The following ZBTB20 variants were observed in gnomAD, a reference collection of about 807,000 sequenced individuals.
ZBTB20 encodes the protein zinc finger and BTB domain containing 20, also known as zinc finger and BTB domain-containing protein 20.
In ZBTB20, 9 loss-of-function variants were observed where a neutral mutation model predicts 56.9. That is an observed-to-expected ratio of 0.16 (90% CI 0.10 to 0.28). ZBTB20 has a LOEUF of 0.28. ZBTB20 is among the 10% of genes least tolerant of loss of function. The pLI is 1.00. For synonymous variants in ZBTB20, 417 were observed against 420.7 expected, an observed-to-expected ratio of 0.99 and a Z score of 0.11; for missense variants, 655 against 1,003.0, an observed-to-expected ratio of 0.65 and a Z score of 4.69.
intron 7 of ZBTB20, among the ~76,000 whole-genome samples, chr3:114,497,027 A>T (rs765937236): frequency 4.6e-5 from 7 of 152,266 alleles, no homozygotes; most frequent in Non-Finnish European, 1.0e-4. Context: ...TCCCATAAGG[A>T]TGTATTTTGG....
At chr3:115,044,586 T>C (rs919494059) in intron 2 of ZBTB20, among the ~76,000 whole-genome samples, 3 of 152,218 alleles carry the variant, frequency 2.0e-5, no homozygotes, top group Non-Finnish European at 4.4e-5. Context: ...ATTATCTATA[T>C]CAGTGATTTC....
chr3:114,561,547 G>A (rs996938299), intron 6 of ZBTB20, among the ~76,000 whole-genome samples: 3 of 152,076 alleles, frequency 2.0e-5, no homozygotes, highest in Admixed American at 6.6e-5. Context: ...TCGGTGACCA[G>A]GTATTGTCAA....
rs2079195265 is a variant in ZBTB20 at position 114,330,021 on chromosome 3, CA to C, written c.*8983del. ...GCAAATATAGACAGTGACAGTCCTA[CA>C]GGGGAAAATCACAGATACATTCATA... On this transcript the variant is annotated 3_prime_UTR_variant, in exon 12 of 12. Transcript: ENST00000675478. 6.6e-6 allele frequency: 1 copy of C among 152,164 alleles called. No individual in the cohort carries two copies. The highest frequency in any genetic ancestry group is 2.4e-5 in the African/African-American group (1 of 41,434). 9.4% of individuals were successfully genotyped at this position (152,164 alleles called of 1,614,324 possible).
chr3:114,777,442 T>A (rs1285229608), intron 5 of ZBTB20, among the ~76,000 whole-genome samples: 1 of 152,080 alleles, frequency 6.6e-6, no homozygotes, highest in Non-Finnish European at 1.5e-5. Context: ...AGGCAGAGGT[T>A]GCAGTGAGCC....
intron 5 of ZBTB20, among the ~76,000 whole-genome samples, chr3:114,749,568 A>AAAGGAAGGAAGG (rs71146333): frequency 0.027 from 3,702 of 135,906 alleles, 82 homozygotes; most frequent in African/African-American, 0.043. Context: ...GAAAGAAAGA[A>AAAGGAAGGAAGG]AAGGAAGGAA....
intron 7 of ZBTB20, among the ~76,000 whole-genome samples, chr3:114,476,688 C>T (rs963781724): frequency 2.0e-5 from 3 of 152,172 alleles, no homozygotes; most frequent in Admixed American, 6.5e-5. Context: ...TTCATGAAGG[C>T]AGAGCCCTCA....
At chr3:114,455,297 GC>G (rs2091943713) in intron 7 of ZBTB20, among the ~76,000 whole-genome samples, 1 of 152,086 alleles carries the variant, frequency 6.6e-6, no homozygotes, top group Admixed American at 6.6e-5. Context: ...AAGGGGAAAA[GC>G]GAATATTACA....
intron 4 of ZBTB20, among the ~76,000 whole-genome samples, chr3:114,821,146 G>C (rs2073218417): frequency 6.6e-6 from 1 of 152,170 alleles, no homozygotes; most frequent in African/African-American, 2.4e-5. Context: ...CCAAAGTCAA[G>C]ACATGTAATA....
At chr3:114,525,707 T>C (rs1213585176) in intron 6 of ZBTB20, among the ~76,000 whole-genome samples, 2 of 152,198 alleles carry the variant, frequency 1.3e-5, no homozygotes, top group Non-Finnish European at 2.9e-5. Context: ...AACTACAGTA[T>C]ACTCAGTAAA....
chr3:114,692,051 C>A (rs1369248260), intron 6 of ZBTB20, among the ~76,000 whole-genome samples: 1 of 152,106 alleles, frequency 6.6e-6, no homozygotes, highest in Non-Finnish European at 1.5e-5. Context: ...CAGATTTTAT[C>A]TGATCATAGA....
intron 3 of ZBTB20, among the ~76,000 whole-genome samples, chr3:114,901,515 T>C (rs920086092): frequency 6.6e-6 from 1 of 152,102 alleles, no homozygotes; most frequent in Non-Finnish European, 1.5e-5. Flanking sequence ...AACCCAAAGT[T>C]CAATATTTTT....
intron 2 of ZBTB20, among the ~76,000 whole-genome samples, chr3:114,998,571 T>G (rs945812457): frequency 6.6e-6 from 1 of 151,656 alleles, no homozygotes; most frequent in African/African-American, 2.4e-5. Context: ...AGGTAAAGCA[T>G]GATGATGTAG....
intron 6 of ZBTB20, among the ~76,000 whole-genome samples, chr3:114,585,074 T>C (rs956488732): frequency 7.9e-5 from 12 of 152,020 alleles, no homozygotes; most frequent in Non-Finnish European, 1.2e-4. Context: ...TGTTAAAGGC[T>C]GGGACCCTCT....
intron 5 of ZBTB20, among the ~76,000 whole-genome samples, chr3:114,742,656 C>G (rs2066697538): frequency 6.6e-6 from 1 of 152,108 alleles, no homozygotes; most frequent in South Asian, 2.1e-4. Flanking sequence ...AGTGAAAGAG[C>G]CAAGATATGA....
intron 2 of ZBTB20, among the ~76,000 whole-genome samples, chr3:114,979,720 C>G (rs969074214): frequency 1.3e-5 from 2 of 151,970 alleles, no homozygotes; most frequent in Admixed American, 6.6e-5. Flanking sequence ...ACAGTTCCAT[C>G]GTCAAGAAGA....
chr3:114,951,007 G>A lies in ZBTB20; in HGVS notation c.-456+23359C>T, dbSNP rs2102092. Among the ~76,000 whole-genome samples the A allele has an allele frequency of 6.9e-3, 1,055 of 152,180 alleles. 10 individuals are homozygous for A. The highest frequency in any genetic ancestry group is 0.01 in the Admixed American group (158 of 15,280). On this transcript the variant is annotated intron_variant, in intron 3 of 11. Coordinates refer to ENST00000675478, the MANE Select transcript of ZBTB20 (RefSeq NM_001348800.3). The stretch of plus-strand genomic sequence containing the variant: ...AAAATAAACTAATATTAGAAGTCAT[G>A]ATAGTGGTTATCCTGAGGAAGTAGA...
At chr3:114,973,565 G>A (rs1010238130) in intron 3 of ZBTB20, among the ~76,000 whole-genome samples, 2 of 152,094 alleles carry the variant, frequency 1.3e-5, no homozygotes, top group East Asian at 1.9e-4. Flanking sequence ...ACTGCTAAAC[G>A]GAATGTTTGA....
intron 2 of ZBTB20, among the ~76,000 whole-genome samples, chr3:115,010,105 C>A (rs1373617970): frequency 6.6e-6 from 1 of 151,916 alleles, no homozygotes; most frequent in Non-Finnish European, 1.5e-5. Flanking sequence ...CTTTACCTTT[C>A]TCTGGTAAGG....
chr3:114,549,759 T>C (rs1228935163), intron 6 of ZBTB20, among the ~76,000 whole-genome samples: 4 of 151,742 alleles, frequency 2.6e-5, no homozygotes, highest in Non-Finnish European at 4.4e-5. Context: ...TTTCTTTTTT[T>C]TTTTTTTTTG....
Sources: gnomAD v4.1 joint callset for allele counts (sites outside exome capture counted in the v4.1 genomes callset) on GRCh38, gnomAD v4.1.1 for gene constraint, MANE v1.5 for transcripts, NCBI Gene and HGNC (gene_info 2026-07-23, HGNC 2026-07-21) for gene names.